Variants in IMPG2 observed in about 807,000 individuals in gnomAD.
The protein encoded by IMPG2 is IPM 200.
A neutral mutation model predicts 129.2 loss-of-function variants in IMPG2; 91 were observed. The observed-to-expected ratio is 0.70, with a 90% confidence interval of 0.59 to 0.84. The LOEUF (loss-of-function observed/expected upper bound fraction) is 0.84, where lower values mean the gene tolerates loss of function less well. Among genes scored for constraint, IMPG2 ranks in the 40% least tolerant of loss-of-function variants. The probability of loss-of-function intolerance (pLI) is 0.00; values close to 1 mark genes in which losing one functional copy is unlikely to be tolerated. For synonymous variants in IMPG2, 510 were observed against 517.7 expected, an observed-to-expected ratio of 0.99 and a Z score of 0.20; for missense variants, 1,430 against 1,461.7, an observed-to-expected ratio of 0.98 and a Z score of 0.35.
intron 5 of IMPG2, among the ~76,000 whole-genome samples, chr3:101,276,263 T>C (rs1284866800): frequency 6.6e-6 from 1 of 152,168 alleles, no homozygotes; most frequent in Non-Finnish European, 1.5e-5. Flanking sequence ...CAAAGGAACA[T>C]GTTAAACTAT....
chr3:101,246,247 G>T, intron 11 of IMPG2, 142 bp from the exon 12 acceptor site: 1 of 717,942 alleles, frequency 1.4e-6, no homozygotes, highest in Non-Finnish European at 2.2e-6. Flanking sequence ...AGTAGGAGGA[G>T]ACATGGGCTC....
chr3:101,290,785 G>T (rs1401347501), intron 4 of IMPG2, among the ~76,000 whole-genome samples: 1 of 152,100 alleles, frequency 6.6e-6, no homozygotes, highest in Admixed American at 6.5e-5. Context: ...CACCTACTTG[G>T]TTTTTTCAAT....
At chr3:101,271,405 G>A (rs1559650088) in intron 7 of IMPG2, among the ~76,000 whole-genome samples, 2 of 152,258 alleles carry the variant, frequency 1.3e-5, no homozygotes, top group Middle Eastern at 3.4e-3. Context: ...ATATCCAGTT[G>A]CATGAAGTCA....
intron 3 of IMPG2, among the ~76,000 whole-genome samples, chr3:101,295,753 T>C (rs1465073187): frequency 6.6e-6 from 1 of 152,226 alleles, no homozygotes; most frequent in East Asian, 1.9e-4. Context: ...GAGTGGTTTG[T>C]AGTTCTCCTT....
chr3:101,318,138 A>G (rs2107147523), intron 2 of IMPG2, among the ~76,000 whole-genome samples: 1 of 127,756 alleles, frequency 7.8e-6, no homozygotes, highest in South Asian at 2.6e-4. Flanking sequence ...TATGTCCCAA[A>G]AAATAGTAAT....
At chr3:101,311,959 C>A (rs891754389) in intron 2 of IMPG2, among the ~76,000 whole-genome samples, 1 of 151,758 alleles carries the variant, frequency 6.6e-6, no homozygotes, top group African/African-American at 2.4e-5. Flanking sequence ...GCCTTTTCGA[C>A]AAATGGTGCT....
At chr3:101,274,024 T>C (rs1706817044) in intron 6 of IMPG2, among the ~76,000 whole-genome samples, 1 of 151,852 alleles carries the variant, frequency 6.6e-6, no homozygotes, top group Non-Finnish European at 1.5e-5. Context: ...TGAAACCCCA[T>C]CTCTACTAAA....
chr3:101,275,075 A>C (rs1451566396), intron 6 of IMPG2, among the ~76,000 whole-genome samples: 3 of 152,064 alleles, frequency 2.0e-5, no homozygotes, highest in Admixed American at 2.0e-4. Context: ...AAAAAAAAAA[A>C]ACAGGATTTG....
intron 14 of IMPG2, among the ~76,000 whole-genome samples, chr3:101,240,042 A>T (rs931032488): frequency 2.0e-5 from 3 of 152,050 alleles, no homozygotes; most frequent in Non-Finnish European, 4.4e-5. Flanking sequence ...CGTTCTACAC[A>T]TGTATCCCAG....
intron 9 of IMPG2, among the ~76,000 whole-genome samples, chr3:101,263,683 C>T (rs1210104807): frequency 6.6e-6 from 1 of 151,386 alleles, no homozygotes; most frequent in African/African-American, 2.4e-5. Context: ...AAATTAGCAG[C>T]AGGAAAGAAA....
At chr3:101,296,893 G>A (rs1011422445) in intron 3 of IMPG2, among the ~76,000 whole-genome samples, 5 of 151,974 alleles carry the variant, frequency 3.3e-5, no homozygotes, top group South Asian at 2.1e-4. Flanking sequence ...ATTCTCTGAC[G>A]GCAGTTTTTG....
chr3:101,279,308 T>C (rs1390198005), intron 4 of IMPG2, among the ~76,000 whole-genome samples: 1 of 152,212 alleles, frequency 6.6e-6, no homozygotes, highest in Non-Finnish European at 1.5e-5. Context: ...AGGAAACTAA[T>C]GCTAGAAGAG....
Position 101,291,611 on chromosome 3 carries a change from A to C in IMPG2, c.502-101T>G, listed in dbSNP as rs1707010275. 3 of 816,756 alleles carry C rather than the reference A, an allele frequency of 3.7e-6. No homozygotes were observed. The Admixed American group carries it at 5.9e-5, about 16-fold the overall frequency. 50.6% of individuals were successfully genotyped at this position (816,756 alleles called of 1,614,324 possible). A position where few individuals can be genotyped will look rare whatever the true frequency, so the allele number is the denominator to read the frequency against. The stretch of plus-strand genomic sequence containing the variant: ...GACCACTACTGCCCTACCATGGTAG[A>C]ATCTATGTTAGTACTCTCTATGGTT... On this transcript the variant is annotated intron_variant, in intron 3 of 18. Coordinates refer to ENST00000193391, the MANE Select transcript of IMPG2 (RefSeq NM_016247.4).
chr3:101,236,024 T>C (rs937912905), intron 14 of IMPG2, among the ~76,000 whole-genome samples: 1 of 152,226 alleles, frequency 6.6e-6, no homozygotes, highest in African/African-American at 2.4e-5. Flanking sequence ...CGTGCTGAGA[T>C]AAAGCCTTCT....
At chr3:101,256,890 T>C (rs1706616475) in intron 10 of IMPG2, among the ~76,000 whole-genome samples, 1 of 152,142 alleles carries the variant, frequency 6.6e-6, no homozygotes, top group African/African-American at 2.4e-5. Context: ...AGATGCTGCA[T>C]ACTGGTAGCC....
At chr3:101,267,436 C>T in intron 9 of IMPG2, 75 bp downstream of exon 9, 12 of 1,238,406 alleles carry the variant, frequency 9.7e-6, no homozygotes, top group Non-Finnish European at 1.4e-5. Context: ...TTATGCTCCC[C>T]TGGACCTACG....
intron 4 of IMPG2, among the ~76,000 whole-genome samples, chr3:101,290,243 C>G (rs889722257): frequency 1.3e-5 from 2 of 152,100 alleles, no homozygotes; most frequent in African/African-American, 4.8e-5. Flanking sequence ...TGGCTCACAC[C>G]TGCAATCAAT....
chr3:101,311,276 C>T (rs1707261928), intron 2 of IMPG2, among the ~76,000 whole-genome samples: 1 of 151,538 alleles, frequency 6.6e-6, no homozygotes, highest in Admixed American at 6.6e-5. Context: ...TGTAAAACTA[C>T]ATCTGTCTAC....
intron 4 of IMPG2, among the ~76,000 whole-genome samples, chr3:101,279,898 T>C (rs1392878321): frequency 6.6e-6 from 1 of 152,196 alleles, no homozygotes; most frequent in Non-Finnish European, 1.5e-5. Context: ...CCACTCTCCT[T>C]TCAAGAGACA....
Sources: gnomAD v4.1 joint callset for allele counts (sites outside exome capture counted in the v4.1 genomes callset) on GRCh38, gnomAD v4.1.1 for gene constraint, MANE v1.5 for transcripts, NCBI Gene and HGNC (gene_info 2026-07-23, HGNC 2026-07-21) for gene names.